The following CCDC73 variants were observed in gnomAD, a reference collection of about 807,000 sequenced individuals.
CCDC73 encodes the protein coiled-coil domain-containing protein 73.
A neutral mutation model predicts 116.5 loss-of-function variants in CCDC73; 95 were observed. The observed-to-expected ratio is 0.82, with a 90% confidence interval of 0.69 to 0.97. The LOEUF (loss-of-function observed/expected upper bound fraction) is 0.97, where lower values mean the gene tolerates loss of function less well. Ranked by LOEUF, CCDC73 falls within the 50% of genes least tolerant of loss-of-function variation. The probability of loss-of-function intolerance (pLI) is 0.00; values close to 1 mark genes in which losing one functional copy is unlikely to be tolerated. For synonymous variants in CCDC73, 398 were observed against 401.3 expected (o/e 0.99, Z 0.10); for missense variants, 1,066 against 1,206.8 (o/e 0.88, Z 1.73).
intron 7 of CCDC73, among the ~76,000 whole-genome samples, chr11:32,677,683 G>C (rs1360274188): frequency 1.3e-5 from 2 of 152,114 alleles, no homozygotes; most frequent in African/African-American, 4.8e-5. Flanking sequence ...GCCAGGCGCA[G>C]TGGCTCACAC....
intron 12 of CCDC73, among the ~76,000 whole-genome samples, chr11:32,652,103 G>C (rs903417520): frequency 9.2e-5 from 14 of 151,918 alleles, no homozygotes; most frequent in Non-Finnish European, 2.9e-5. Context: ...ACCAAAACTG[G>C]GCATCAGTTG....
At chr11:32,640,461 G>T (rs773650060) in intron 13 of CCDC73, among the ~76,000 whole-genome samples, 3 of 152,044 alleles carry the variant, frequency 2.0e-5, no homozygotes, top group Non-Finnish European at 4.4e-5. Context: ...CACTTAAACA[G>T]TTTTCCTTAT....
chr11:32,730,495 C>T (rs1850065702), intron 2 of CCDC73, among the ~76,000 whole-genome samples: 1 of 152,062 alleles, frequency 6.6e-6, no homozygotes, highest in Non-Finnish European at 1.5e-5. Context: ...TATTGTCTTC[C>T]AGGTTGAGTA....
At chr11:32,755,855 G>GTATATATATCTTCATATATATATATCTA (rs1181104991) in intron 2 of CCDC73, among the ~76,000 whole-genome samples, 2 of 128,222 alleles carry the variant, frequency 1.6e-5, no homozygotes, top group African/African-American at 2.9e-5. Context: ...ATATATGTGT[G>GTATATATATCTTCATATATATATATCTA]TGTATATATC....
intron 17 of CCDC73, chr11:32,605,720 G>A (rs554656525): frequency 6.3e-4 from 96 of 152,314 alleles, no homozygotes; most frequent in African/African-American, 2.2e-3. Context: ...AAGATACAGT[G>A]TAGATTAGCT....
At position 32,602,884 on chromosome 11, in the gene CCDC73, C is replaced by T; in HGVS notation, c.3167G>A (p.Ser1056Asn). ...CTTTGGCTGGTTGTCATTTTCTAAA[C>T]TTAGTAAATTTTCACTTTTATTTAG... is the stretch of plus-strand genomic sequence containing the variant. ...NQLNKSENLL[S>N]LENDNQPKKR... The change falls in exon 18 of 18, where the codon AGT becomes AAT. Residue 1056 changes from serine (S) to asparagine (N), a missense_variant. Physicochemically the swap from Ser to Asn is conservative, Grantham distance 46 (BLOSUM62 1). Transcript: ENST00000335185. 6.2e-7 allele frequency: 1 copy of T among 1,611,716 alleles called. No individual in the cohort carries two copies. The highest frequency in any genetic ancestry group is 8.5e-7 in the Non-Finnish European group (1 of 1,179,078).
chr11:32,702,182 G>A (rs995446149), intron 4 of CCDC73, among the ~76,000 whole-genome samples: 7 of 152,006 alleles, frequency 4.6e-5, no homozygotes, highest in Non-Finnish European at 1.0e-4. Flanking sequence ...AATAGGAAAG[G>A]AAAAAGGAAG....
At position 32,702,881 on chromosome 11, in the gene CCDC73, T is replaced by C; in HGVS notation, c.271A>G (p.Lys91Glu). 6.2e-7 allele frequency: 1 copy of C among 1,608,608 alleles called. No homozygotes were observed. The highest frequency in any genetic ancestry group is 1.1e-5 in the South Asian group (1 of 90,996). Residue 91 changes from lysine (K) to glutamate (E), a missense_variant, in exon 4 of 18, where the codon AAA (lysine) becomes GAA (glutamate). By Grantham distance (56) the Lys-to-Glu change is moderately conservative. Transcript: ENST00000335185. The stretch of plus-strand genomic sequence containing the variant: ...TATCCTTATGAAATTACCTGCTTTT[T>C]AAAAACTGCCATTGCTTCCTTGTGT... ...EQHKEAMAVFKKQLQMKMCAL... is the reference protein window; with the variant it reads ...EQHKEAMAVFEKQLQMKMCAL...
intron 1 of CCDC73, among the ~76,000 whole-genome samples, chr11:32,793,663 T>C (rs975624686): frequency 6.6e-5 from 10 of 152,088 alleles, no homozygotes; most frequent in Non-Finnish European, 1.2e-4. Flanking sequence ...CAGGCTGGAG[T>C]GCAGTGGAGT....
chr11:32,761,448 G>A (rs1266445882), intron 1 of CCDC73, among the ~76,000 whole-genome samples: 1 of 152,004 alleles, frequency 6.6e-6, no homozygotes, highest in Non-Finnish European at 1.5e-5. Flanking sequence ...AGAGATAAAC[G>A]CCCAAGAGTA....
chr11:32,607,703 C>T (rs1175113555), intron 17 of CCDC73, among the ~76,000 whole-genome samples: 8 of 152,078 alleles, frequency 5.3e-5, no homozygotes. Flanking sequence ...TAATGATACA[C>T]ACATACACCA....
chr11:32,806,018 A>G, the CCDC73 span, among the ~76,000 whole-genome samples: 31 of 152,338 alleles, frequency 2.0e-4, no homozygotes, highest in East Asian at 5.2e-3. Context: ...TCTGTGGTTC[A>G]TTTTGTGGCC....
chr11:32,674,874 T>C (rs1456538968), intron 9 of CCDC73, among the ~76,000 whole-genome samples: 4 of 152,234 alleles, frequency 2.6e-5, no homozygotes, highest in African/African-American at 9.6e-5. Flanking sequence ...AAGCGGATAC[T>C]GAATCTCAGT....
At chr11:32,655,958 T>C (rs1045477614) in intron 9 of CCDC73, among the ~76,000 whole-genome samples, 1 of 152,230 alleles carries the variant, frequency 6.6e-6, no homozygotes, top group Non-Finnish European at 1.5e-5. Flanking sequence ...ATATTGACTA[T>C]ATTAAATACT....
chr11:32,697,285 T>A (rs1856319900), intron 6 of CCDC73, among the ~76,000 whole-genome samples: 1 of 151,210 alleles, frequency 6.6e-6, no homozygotes. Flanking sequence ...AATAAGAACT[T>A]TCTTTTATAT....
chr11:32,690,354 A>G (rs1040254358), intron 6 of CCDC73, among the ~76,000 whole-genome samples: 22 of 152,310 alleles, frequency 1.4e-4, no homozygotes, highest in Admixed American at 1.2e-3. Flanking sequence ...AATCCAGAGG[A>G]AGGTAAAGAG....
chr11:32,602,859 CTTTGGCTGG>C lies in CCDC73; in HGVS notation c.3183_3191del (p.Asn1061_Pro1063del), dbSNP rs1855292641. On this transcript the variant is annotated inframe_deletion, in exon 18 of 18. Coordinates refer to ENST00000335185, the MANE Select transcript of CCDC73 (RefSeq NM_001008391.4). ...CCAACGTCTCTTCTGCTTTTCTTTTCTTTGGCTGGTTGTCATTTTCTAAACTTAGTAAAT... is the reference window on the plus strand; with the variant it reads ...CCAACGTCTCTTCTGCTTTTCTTTTCTTGTCATTTTCTAAACTTAGTAAAT... The C allele has an allele frequency of 6.2e-7, 1 of 1,604,590 alleles. No homozygotes were observed.
intron 2 of CCDC73, among the ~76,000 whole-genome samples, chr11:32,752,462 C>T (rs1383012785): frequency 3.3e-5 from 5 of 152,044 alleles, no homozygotes; most frequent in Non-Finnish European, 5.9e-5. Context: ...ATTTTAAATT[C>T]CAGTTTAAAC....
chr11:32,666,975 A>G (rs1185483326), intron 9 of CCDC73, among the ~76,000 whole-genome samples: 1 of 152,174 alleles, frequency 6.6e-6, no homozygotes, highest in African/African-American at 2.4e-5. Context: ...AGAACCGTGA[A>G]TATCGCTCAA....
Sources: gnomAD v4.1 joint callset for allele counts (sites outside exome capture counted in the v4.1 genomes callset) on GRCh38, gnomAD v4.1.1 for gene constraint, MANE v1.5 for transcripts, NCBI Gene and HGNC (gene_info 2026-07-23, HGNC 2026-07-21) for gene names.